WWOX: variants seen among roughly 807,000 people sequenced by gnomAD.
The protein encoded by WWOX is WW domain containing oxidoreductase, also known as WW domain-containing oxidoreductase.
A neutral mutation model predicts 46.2 loss-of-function variants in WWOX; 69 were observed. That is an observed-to-expected ratio of 1.49 (90% confidence interval 1.23 to 1.82). The LOEUF is 1.82. Ranked by LOEUF, WWOX falls within the 40% of genes most tolerant of loss-of-function variation. The probability of loss-of-function intolerance (pLI) is 0.00; values close to 1 mark genes in which losing one functional copy is unlikely to be tolerated. For missense variants in WWOX, 919 were observed against 542.6 expected, an observed-to-expected ratio of 1.69 and a Z score of -6.89; for synonymous variants, 359 against 202.6, an observed-to-expected ratio of 1.77 and a Z score of -6.56.
chr16:78,248,820 A>G (rs2037898019), intron 5 of WWOX, among the ~76,000 whole-genome samples: 1 of 151,654 alleles, frequency 6.6e-6, no homozygotes, highest in African/African-American at 2.4e-5. Flanking sequence ...GACATCATTC[A>G]GTCCTCAGGA....
intron 8 of WWOX, among the ~76,000 whole-genome samples, chr16:78,981,033 G>A (rs1158692715): frequency 2.6e-5 from 4 of 152,162 alleles, no homozygotes; most frequent in African/African-American, 9.7e-5. Context: ...TCATCATGGG[G>A]CATTTTTGTA....
At chr16:78,161,530 T>C (rs895393839) in intron 4 of WWOX, among the ~76,000 whole-genome samples, 1 of 152,172 alleles carries the variant, frequency 6.6e-6, no homozygotes, top group Non-Finnish European at 1.5e-5. Flanking sequence ...GACTGTGCCC[T>C]TGAACTCTTG....
At position 78,867,292 on chromosome 16, in the gene WWOX, G is replaced by A. The variant is rs147467441; in HGVS notation, c.1057-344316G>A. Among the ~76,000 whole-genome samples, 1,249 of 152,140 alleles carry A rather than the reference G, an allele frequency of 8.2e-3. 14 individuals are homozygous for A. The highest frequency in any genetic ancestry group is 0.027 in the Middle Eastern group (8 of 294). On this transcript the variant is annotated intron_variant, in intron 8 of 8. Coordinates refer to ENST00000566780, the MANE Select transcript of WWOX (RefSeq NM_016373.4). ...GTTAACAGAAGAAAAGAATACCAAC[G>A]CCGTCTATTTTCATATCCCTTTCTA...
chr16:78,309,741 G>T (rs548581646), intron 5 of WWOX, among the ~76,000 whole-genome samples: 1 of 152,276 alleles, frequency 6.6e-6, no homozygotes, highest in Admixed American at 6.5e-5. Flanking sequence ...AATTAAACTG[G>T]AATGCTGTTA....
chr16:79,125,614 C>G (rs913045518), intron 8 of WWOX, among the ~76,000 whole-genome samples: 19 of 152,146 alleles, frequency 1.2e-4, no homozygotes, highest in African/African-American at 4.6e-4. Context: ...AAGACCCTTC[C>G]TGCATCCTCC....
At chr16:78,448,615 G>T (rs763955299) in intron 8 of WWOX, among the ~76,000 whole-genome samples, 1 of 152,190 alleles carries the variant, frequency 6.6e-6, no homozygotes, top group Non-Finnish European at 1.5e-5. Context: ...TGAGAAGCAG[G>T]AGCATGGCTC....
intron 8 of WWOX, among the ~76,000 whole-genome samples, chr16:78,458,434 A>G (rs2667600): frequency 0.24 from 36,183 of 151,410 alleles, 4,722 homozygotes; most frequent in African/African-American, 0.34. Flanking sequence ...TAATGTTTTT[A>G]ATTTTTTATA....
intron 8 of WWOX, among the ~76,000 whole-genome samples, chr16:78,721,389 G>C (rs189533427): frequency 2.6e-5 from 4 of 152,182 alleles, no homozygotes; most frequent in East Asian, 3.9e-4. Context: ...AATCTGTGTA[G>C]TGACAACAAT....
intron 5 of WWOX, among the ~76,000 whole-genome samples, chr16:78,308,025 G>C (rs11640087): frequency 0.12 from 18,234 of 152,176 alleles, 2,053 homozygotes; most frequent in African/African-American, 0.28. Context: ...TGAATCTGCA[G>C]TAGTTGAGTT....
At chr16:78,436,042 C>T (rs776266529) in intron 8 of WWOX, among the ~76,000 whole-genome samples, 7 of 152,160 alleles carry the variant, frequency 4.6e-5, no homozygotes, top group African/African-American at 4.8e-5. Flanking sequence ...AAAAACACCA[C>T]GTGTGCCAAG....
At chr16:78,459,915 C>G (rs1257796784) in intron 8 of WWOX, among the ~76,000 whole-genome samples, 1 of 151,496 alleles carries the variant, frequency 6.6e-6, no homozygotes, top group African/African-American at 2.4e-5. Flanking sequence ...GGTGATCCTC[C>G]CACCTCAGCC....
intron 8 of WWOX, among the ~76,000 whole-genome samples, chr16:78,615,670 A>G (rs2046005199): frequency 6.6e-6 from 1 of 151,146 alleles, no homozygotes; most frequent in African/African-American, 2.4e-5. Flanking sequence ...AAATAAATGA[A>G]ATAAATAAAT....
intron 8 of WWOX, among the ~76,000 whole-genome samples, chr16:78,969,106 A>G (rs1372952203): frequency 6.6e-6 from 1 of 152,006 alleles, no homozygotes; most frequent in East Asian, 1.9e-4. Flanking sequence ...GGGAGGGAGA[A>G]GCCAGTGGAG....
At chr16:78,910,659 G>A (rs936082449) in intron 8 of WWOX, among the ~76,000 whole-genome samples, 1 of 151,930 alleles carries the variant, frequency 6.6e-6, no homozygotes, top group African/African-American at 2.4e-5. Flanking sequence ...ATGGCAGAAG[G>A]CAAACAAGGA....
intron 8 of WWOX, among the ~76,000 whole-genome samples, chr16:79,013,359 C>G (rs995491560): frequency 6.6e-6 from 1 of 152,218 alleles, no homozygotes; most frequent in African/African-American, 2.4e-5. Flanking sequence ...GTGTCTGACC[C>G]CAGGAGAACT....
chr16:78,697,423 C>T (rs568298386), intron 8 of WWOX, among the ~76,000 whole-genome samples: 1 of 152,228 alleles, frequency 6.6e-6, no homozygotes, highest in South Asian at 2.1e-4. Context: ...TTAAACTAAT[C>T]AGCTTTTGCC....
intron 5 of WWOX, among the ~76,000 whole-genome samples, chr16:78,279,224 G>C (rs2079634208): frequency 6.6e-6 from 1 of 152,192 alleles, no homozygotes; most frequent in Non-Finnish European, 1.5e-5. Flanking sequence ...CAGAGAGATT[G>C]TGTTGTTTTA....
At chr16:78,957,826 C>T (rs573275600) in intron 8 of WWOX, among the ~76,000 whole-genome samples, 4 of 152,270 alleles carry the variant, frequency 2.6e-5, no homozygotes, top group Non-Finnish European at 4.4e-5. Context: ...TGCGCTGGTG[C>T]GGCTGGCCCA....
chr16:78,468,433 C>G (rs1423880482), intron 8 of WWOX, among the ~76,000 whole-genome samples: 1 of 152,100 alleles, frequency 6.6e-6, no homozygotes, highest in African/African-American at 2.4e-5. Context: ...CACCACCTAT[C>G]AGAGTTCACA....
Sources: gnomAD v4.1 joint callset for allele counts (sites outside exome capture counted in the v4.1 genomes callset) on GRCh38, gnomAD v4.1.1 for gene constraint, MANE v1.5 for transcripts, NCBI Gene and HGNC (gene_info 2026-07-23, HGNC 2026-07-21) for gene names.